Variants in RBFOX1 observed in about 807,000 individuals in gnomAD.
The protein encoded by RBFOX1 is RNA binding fox-1 homolog 1.
In RBFOX1, 8 loss-of-function variants were observed where a neutral mutation model predicts 57.7. The ratio of observed to expected loss-of-function variants is 0.14; its 90% CI spans 0.08 to 0.25. The LOEUF (loss-of-function observed/expected upper bound fraction) is 0.25. Among genes scored for constraint, RBFOX1 ranks in the 10% least tolerant of loss-of-function variants. The probability of loss-of-function intolerance (pLI) is 1.00; values close to 1 mark genes in which losing one functional copy is unlikely to be tolerated. For missense variants in RBFOX1, 611 were observed against 548.5 expected, an observed-to-expected ratio of 1.11 and a Z score of -1.14; for synonymous variants, 326 against 222.4, an observed-to-expected ratio of 1.47 and a Z score of -4.15.
At chr16:5,533,924 G>T (rs117136571) in intron 2 of RBFOX1, among the ~76,000 whole-genome samples, 1,640 of 152,258 alleles carry the variant, frequency 0.011, 13 homozygotes, top group Non-Finnish European at 0.018. Flanking sequence ...GTGACTGGGG[G>T]TGATTTAAGG....
At chr16:6,812,328 C>G (rs117998959) in intron 3 of RBFOX1, among the ~76,000 whole-genome samples, 2 of 152,120 alleles carry the variant, frequency 1.3e-5, no homozygotes, top group African/African-American at 2.4e-5. Context: ...AAAGGAAACA[C>G]AATGCAAAGT....
At chr16:7,392,737 G>T (rs942715315) in intron 4 of RBFOX1, among the ~76,000 whole-genome samples, 2 of 152,266 alleles carry the variant, frequency 1.3e-5, no homozygotes, top group East Asian at 3.9e-4. Flanking sequence ...GAGTGGTTTT[G>T]GCTATTGGTC....
intron 3 of RBFOX1, among the ~76,000 whole-genome samples, chr16:6,882,365 T>G (rs568534279): frequency 2.0e-5 from 3 of 152,070 alleles, no homozygotes; most frequent in African/African-American, 4.8e-5. Context: ...AATTACAGTT[T>G]AGTCACCTAA....
At chr16:7,120,201 A>G (rs1224725605) in intron 4 of RBFOX1, among the ~76,000 whole-genome samples, 1 of 152,082 alleles carries the variant, frequency 6.6e-6, no homozygotes, top group Non-Finnish European at 1.5e-5. Context: ...TTAGAGGGAA[A>G]TACATAATGC....
intron 4 of RBFOX1, among the ~76,000 whole-genome samples, chr16:7,504,573 T>G (rs1394636682): frequency 6.7e-6 from 1 of 149,822 alleles, no homozygotes; most frequent in East Asian, 2.0e-4. Context: ...GGAAAGGACC[T>G]CATTGTTGCC....
intron 4 of RBFOX1, among the ~76,000 whole-genome samples, chr16:7,162,467 C>G (rs983103626): frequency 6.6e-6 from 1 of 151,722 alleles, no homozygotes; most frequent in Non-Finnish European, 1.5e-5. Flanking sequence ...CAGTAACTCA[C>G]GCCTGTAACC....
chr16:6,626,894 A>G (rs796679081), intron 2 of RBFOX1, among the ~76,000 whole-genome samples: 2 of 152,240 alleles, frequency 1.3e-5, no homozygotes, highest in African/African-American at 4.8e-5. Flanking sequence ...TGCCAGACAC[A>G]AATTGGAAGG....
chr16:6,869,077 A>G (rs2060428128), intron 3 of RBFOX1, among the ~76,000 whole-genome samples: 1 of 152,210 alleles, frequency 6.6e-6, no homozygotes, highest in South Asian at 2.1e-4. Context: ...CATTGCTATA[A>G]GCCACTAACT....
At chr16:5,332,124 C>G (rs1403374559) in intron 1 of RBFOX1, among the ~76,000 whole-genome samples, 1 of 152,180 alleles carries the variant, frequency 6.6e-6, no homozygotes, top group African/African-American at 2.4e-5. Flanking sequence ...TCTGGCAAAT[C>G]TTCTCTACCT....
chr16:7,655,916 C>T (rs187854291), intron 12 of RBFOX1, among the ~76,000 whole-genome samples: 663 of 152,312 alleles, frequency 4.4e-3, no homozygotes, highest in Non-Finnish European at 7.0e-3. Context: ...AATGAACATG[C>T]TCTTTGCTGG....
chr16:6,355,247 C>T (rs563813466), intron 2 of RBFOX1, among the ~76,000 whole-genome samples: 3 of 152,254 alleles, frequency 2.0e-5, no homozygotes, highest in African/African-American at 7.2e-5. Flanking sequence ...AACCCATCAC[C>T]TACATTAGAT....
intron 5 of RBFOX1, among the ~76,000 whole-genome samples, chr16:7,521,717 G>A (rs555640599): frequency 6.6e-6 from 1 of 152,340 alleles, no homozygotes; most frequent in South Asian, 2.1e-4. Context: ...CATAATGACA[G>A]TAGGAGAAAA....
intron 3 of RBFOX1, among the ~76,000 whole-genome samples, chr16:5,864,503 T>A (rs2057299513): frequency 6.6e-6 from 1 of 151,962 alleles, no homozygotes; most frequent in Admixed American, 6.6e-5. Flanking sequence ...ATGCATCTAT[T>A]GTGTGTGTGG....
chr16:6,380,476 C>G (rs1427628187), intron 2 of RBFOX1, among the ~76,000 whole-genome samples: 1 of 118,278 alleles, frequency 8.5e-6, no homozygotes, highest in Non-Finnish European at 1.6e-5. Context: ...GGTCTAGACA[C>G]AGAGAAAATG....
intron 4 of RBFOX1, among the ~76,000 whole-genome samples, chr16:7,331,553 G>A (rs957310170): frequency 2.0e-5 from 3 of 152,156 alleles, no homozygotes; most frequent in Non-Finnish European, 2.9e-5. Context: ...CCAAAGATGT[G>A]TCTGTACCAA....
chr16:7,549,861 CAG>C (rs1273144586), intron 5 of RBFOX1, among the ~76,000 whole-genome samples: 1 of 152,182 alleles, frequency 6.6e-6, no homozygotes, highest in Non-Finnish European at 1.5e-5. Context: ...CACGCAGGAG[CAG>C]TACTTTGCCT....
At chr16:6,071,430 G>A (rs929634432) in intron 1 of RBFOX1, among the ~76,000 whole-genome samples, 1 of 152,062 alleles carries the variant, frequency 6.6e-6, no homozygotes, top group Admixed American at 6.6e-5. Flanking sequence ...TGGGTACTAG[G>A]TCGAATACTT....
intron 3 of RBFOX1, among the ~76,000 whole-genome samples, chr16:5,629,526 G>A (rs1411797433): frequency 3.3e-5 from 5 of 152,224 alleles, no homozygotes; most frequent in Non-Finnish European, 7.3e-5. Context: ...GGATAACTCA[G>A]TAGCAAAGGA....
At chr16:5,644,716 C>T (rs1193060969) in intron 3 of RBFOX1, among the ~76,000 whole-genome samples, 1 of 152,134 alleles carries the variant, frequency 6.6e-6, no homozygotes, top group Non-Finnish European at 1.5e-5. Context: ...AGATCATGTC[C>T]ACAAAAAGCC....
Sources: allele counts gnomAD v4.1 joint callset (sites outside exome capture counted in the v4.1 genomes callset), GRCh38; gene constraint gnomAD v4.1.1; transcripts MANE v1.5; gene names NCBI Gene and HGNC (gene_info 2026-07-23, HGNC 2026-07-21).